BTBD9: variants seen among roughly 807,000 people sequenced by gnomAD.
BTBD9 encodes BTB domain containing 9.
In BTBD9, 49 loss-of-function variants were observed where a neutral mutation model predicts 64.3. The ratio of observed to expected loss-of-function variants is 0.76; its 90% CI spans 0.61 to 0.97. The LOEUF (loss-of-function observed/expected upper bound fraction) is 0.97, where lower values mean the gene tolerates loss of function less well. Ranked by LOEUF, BTBD9 falls within the 50% of genes least tolerant of loss-of-function variation. The pLI, the probability that BTBD9 is intolerant of heterozygous loss-of-function variation, is 0.00. For synonymous variants in BTBD9, 260 were observed against 274.7 expected (o/e 0.95, Z 0.53); for missense variants, 598 against 762.1 (o/e 0.78, Z 2.53).
chr6:38,208,247 G>C (rs1762721289), intron 9 of BTBD9, among the ~76,000 whole-genome samples: 1 of 152,200 alleles, frequency 6.6e-6, no homozygotes, highest in Non-Finnish European at 1.5e-5. Context: ...TAAAGGCCTT[G>C]AGTGAGCATG....
chr6:38,521,089 G>C (rs979462854), intron 6 of BTBD9, among the ~76,000 whole-genome samples: 1 of 151,204 alleles, frequency 6.6e-6, no homozygotes, highest in Non-Finnish European at 1.5e-5. Flanking sequence ...AGTTAAGATC[G>C]TGACCTTACA....
chr6:38,585,409 A>G (rs1193227058), intron 4 of BTBD9, among the ~76,000 whole-genome samples: 1 of 152,188 alleles, frequency 6.6e-6, no homozygotes, highest in Non-Finnish European at 1.5e-5. Context: ...ACTGGGCTCA[A>G]ACAATTCTCC....
chr6:38,389,146 T>A (rs770923600), intron 6 of BTBD9, among the ~76,000 whole-genome samples: 5 of 152,192 alleles, frequency 3.3e-5, no homozygotes, highest in African/African-American at 7.2e-5. Context: ...TAAACTTATT[T>A]TCACCACATT....
chr6:38,269,561 T>G (rs1473846909), intron 8 of BTBD9, among the ~76,000 whole-genome samples: 1 of 152,074 alleles, frequency 6.6e-6, no homozygotes, highest in African/African-American at 2.4e-5. Context: ...ACCAAACTGG[T>G]GTGGGTCATA....
At chr6:38,424,908 G>A (rs908051881) in intron 6 of BTBD9, among the ~76,000 whole-genome samples, 5 of 151,372 alleles carry the variant, frequency 3.3e-5, no homozygotes, top group African/African-American at 7.3e-5. Context: ...GCACGATATC[G>A]GCTTACTGCA....
At chr6:38,261,580 T>C (rs182107865) in intron 8 of BTBD9, among the ~76,000 whole-genome samples, 23 of 152,382 alleles carry the variant, frequency 1.5e-4, no homozygotes, top group Non-Finnish European at 2.6e-4. Flanking sequence ...TGTATCTTTT[T>C]GTTAATGACT....
intron 10 of BTBD9, among the ~76,000 whole-genome samples, chr6:38,176,188 C>A (rs983218744): frequency 2.0e-5 from 3 of 152,194 alleles, no homozygotes; most frequent in Non-Finnish European, 4.4e-5. Flanking sequence ...GCTGTCGTTG[C>A]CACTGCACGA....
intron 2 of BTBD9, among the ~76,000 whole-genome samples, chr6:38,597,511 A>G (rs1276259722): frequency 1.3e-5 from 2 of 152,244 alleles, no homozygotes; most frequent in East Asian, 1.9e-4. Flanking sequence ...AACAGCTCCT[A>G]GACCTCAAAC....
intron 6 of BTBD9, among the ~76,000 whole-genome samples, chr6:38,550,629 A>T: frequency 6.6e-6 from 1 of 151,010 alleles, no homozygotes; most frequent in East Asian, 1.9e-4. Flanking sequence ...TTTTTTTCTT[A>T]CCCCATATCA....
chr6:38,443,233 G>A (rs1769120902), intron 6 of BTBD9, among the ~76,000 whole-genome samples: 1 of 152,158 alleles, frequency 6.6e-6, no homozygotes, highest in Admixed American at 6.5e-5. Context: ...CTGAAACCCT[G>A]ACACTGACAG....
chr6:38,411,882 A>C (rs914965420), intron 6 of BTBD9, among the ~76,000 whole-genome samples: 1 of 152,140 alleles, frequency 6.6e-6, no homozygotes, highest in Non-Finnish European at 1.5e-5. Context: ...GGTTACAATG[A>C]GCCAAGATTG....
intron 6 of BTBD9, among the ~76,000 whole-genome samples, chr6:38,400,926 C>T (rs187182602): frequency 3.9e-5 from 6 of 152,210 alleles, no homozygotes; most frequent in Non-Finnish European, 8.8e-5. Context: ...CTCCTTCCCC[C>T]ACTTTAAACC....
At chr6:38,509,055 C>T (rs192667348) in intron 6 of BTBD9, among the ~76,000 whole-genome samples, 129 of 152,320 alleles carry the variant, frequency 8.5e-4, no homozygotes, top group African/African-American at 2.9e-3. Context: ...TAAACACTTA[C>T]TTGTATAGCT....
At chr6:38,452,706 G>A (rs535262586) in intron 6 of BTBD9, among the ~76,000 whole-genome samples, 1 of 152,142 alleles carries the variant, frequency 6.6e-6, no homozygotes, top group East Asian at 1.9e-4. Flanking sequence ...AGAAACAAAA[G>A]GGGTGCCATG....
At chr6:38,609,758 T>C (rs1192855869) in intron 1 of BTBD9, among the ~76,000 whole-genome samples, 1 of 152,210 alleles carries the variant, frequency 6.6e-6, no homozygotes, top group Non-Finnish European at 1.5e-5. Context: ...ACATCTAATA[T>C]TGAATTCTCT....
chr6:38,504,194 C>T (rs1772341308), intron 6 of BTBD9, among the ~76,000 whole-genome samples: 1 of 152,170 alleles, frequency 6.6e-6, no homozygotes, highest in Non-Finnish European at 1.5e-5. Flanking sequence ...TGGGCACAAA[C>T]CCAAGTAACT....
intron 1 of BTBD9, among the ~76,000 whole-genome samples, chr6:38,637,699 T>C (rs1778573417): frequency 6.6e-6 from 1 of 152,188 alleles, no homozygotes; most frequent in Non-Finnish European, 1.5e-5. Context: ...TTTTAGATAA[T>C]GAGACATGCA....
At chr6:38,248,203 T>TA (rs1764275800) in intron 9 of BTBD9, among the ~76,000 whole-genome samples, 1 of 152,184 alleles carries the variant, frequency 6.6e-6, no homozygotes, top group Non-Finnish European at 1.5e-5. Flanking sequence ...TCATTTTTAA[T>TA]AAACACCTAG....
chr6:38,553,624 A>T (rs778689775), intron 6 of BTBD9, among the ~76,000 whole-genome samples: 4 of 152,180 alleles, frequency 2.6e-5, no homozygotes, highest in Non-Finnish European at 5.9e-5. Flanking sequence ...AACAGAAATA[A>T]TCCTTCCACC....
Sources: gnomAD v4.1 joint callset for allele counts (sites outside exome capture counted in the v4.1 genomes callset) on GRCh38, gnomAD v4.1.1 for gene constraint, MANE v1.5 for transcripts, NCBI Gene and HGNC (gene_info 2026-07-23, HGNC 2026-07-21) for gene names.